The following TNS1 variants were observed in gnomAD, a reference collection of about 807,000 sequenced individuals.
TNS1 encodes tensin 1.
TNS1 carries 62 observed loss-of-function variants against 168.6 expected under a neutral mutation model. That is an observed-to-expected ratio of 0.37 (90% CI 0.30 to 0.45). TNS1 has a LOEUF of 0.45. TNS1 is among the 20% of genes least tolerant of loss of function. The pLI is 1.00. For synonymous variants in TNS1, 934 were observed against 933.2 expected (o/e 1.00, Z -0.02); for missense variants, 2,240 against 2,339.4 (o/e 0.96, Z 0.88).
At chr2:218,003,208 C>T (rs1262392403), upstream of TNS1, among the ~76,000 whole-genome samples, 1 of 149,780 alleles carries the variant, frequency 6.7e-6, no homozygotes, top group Non-Finnish European at 1.5e-5. Flanking sequence ...GTGCCCCCCA[C>T]CCCCGGACAC....
Position 217,818,007 on chromosome 2 carries a change from C to T in TNS1, c.4325G>A (p.Arg1442Gln), listed in dbSNP as rs201601812. 34 of 1,597,042 alleles carry T rather than the reference C, an allele frequency of 2.1e-5. No homozygotes were observed. Among genetic ancestry groups the T allele is most frequent in the Middle Eastern group, 1.7e-4 (1 of 6,028 alleles). Residue 1442 changes from arginine to glutamine, a missense_variant, in exon 24 of 33, where the codon CGG becomes CAG. Coordinates refer to ENST00000682258, the MANE Select transcript of TNS1 (RefSeq NM_001387777.1). The stretch of plus-strand genomic sequence containing the variant: ...CTGGTAGCCAGAGGCACTGCTCTGC[C>T]GGGACAGTGTGGGTCTCCGATCCTC... The part of the protein sequence containing the change: ...TPEDRRPTLS[R>Q]QSSASGYQAP...
chr2:217,862,678 A>G (rs1039055779), intron 18 of TNS1, among the ~76,000 whole-genome samples: 2 of 147,224 alleles, frequency 1.4e-5, no homozygotes, highest in African/African-American at 5.0e-5. Flanking sequence ...CGAAGGGAAG[A>G]GTTTCCCACT....
chr2:217,953,527 G>A (rs967018790), intron 3 of TNS1, among the ~76,000 whole-genome samples: 2 of 152,204 alleles, frequency 1.3e-5, no homozygotes, highest in Non-Finnish European at 2.9e-5. Context: ...GTACTTGGTG[G>A]TGGTTGTGAA....
intron 14 of TNS1, 92 bp downstream of exon 14, chr2:217,885,952 G>T: frequency 6.4e-7 from 1 of 1,564,154 alleles, no homozygotes; most frequent in Non-Finnish European, 8.8e-7. Flanking sequence ...CAGCCCTCTT[G>T]AGAATATTCT....
rs563822787 is a variant in TNS1 at position 217,813,513 on chromosome 2, C to T, written c.4861+172G>A. On this transcript the variant is annotated intron_variant, in intron 26 of 32. Transcript: ENST00000682258. This position sits in a 1 kb window ranked among gnomAD's most constrained non-coding sequence, Gnocchi z 4.0. ...AAACACATGGCAGGCACCCAATCGT[C>T]CTGCTTTCCCAATCTCTGACCTCAA... Among the ~76,000 whole-genome samples, 1 of 152,200 alleles carries T rather than the reference C, an allele frequency of 6.6e-6. No individual in the cohort carries two copies. Among genetic ancestry groups the T allele is most frequent in the Non-Finnish European group, 1.5e-5 (1 of 68,038 alleles).
intron 3 of TNS1, among the ~76,000 whole-genome samples, chr2:217,929,751 G>A (rs1956223553): frequency 6.8e-6 from 1 of 147,168 alleles, no homozygotes; most frequent in African/African-American, 2.5e-5. Context: ...CCATGTGTCT[G>A]TCTTCCTTCA....
chr2:217,929,650 C>A (rs1183527033), intron 3 of TNS1, among the ~76,000 whole-genome samples: 2 of 151,712 alleles, frequency 1.3e-5, no homozygotes, highest in Admixed American at 6.6e-5. Context: ...ACTGACAACA[C>A]CTGCCACCAC....
At chr2:217,829,248 G>T (rs1229340788) in intron 22 of TNS1, among the ~76,000 whole-genome samples, 1 of 151,988 alleles carries the variant, frequency 6.6e-6, no homozygotes, top group African/African-American at 2.4e-5. Flanking sequence ...TGCTGGGCGT[G>T]GTGGTGCATG....
Position 217,813,297 on chromosome 2 carries a change from G to C in TNS1, c.4872C>G (p.Thr1624=). The change falls in exon 27 of 33, where the codon ACC becomes ACG. Residue 1624 remains threonine, a synonymous_variant. Coordinates refer to ENST00000682258, the MANE Select transcript of TNS1 (RefSeq NM_001387777.1). The surrounding 1 kb of genome is among the most constrained non-coding windows in gnomAD (Gnocchi z 4.0). Reference sequence around the variant, plus strand: ...TCAGAAAATGCCTGACCAGCTCATGGGTCATGTCTCCTGGGACAAAGAGAA... The same window carrying C: ...TCAGAAAATGCCTGACCAGCTCATGCGTCATGTCTCCTGGGACAAAGAGAA... ...IMQQNKKGDM[T]HELVRHFLIE... The C allele has an allele frequency of 1.9e-6, 3 of 1,587,834 alleles. No individual in the cohort carries two copies. The highest frequency in any genetic ancestry group is 2.6e-6 in the Non-Finnish European group (3 of 1,165,186).
At chr2:217,921,231 C>A (rs747885670) in intron 3 of TNS1, among the ~76,000 whole-genome samples, 1 of 152,198 alleles carries the variant, frequency 6.6e-6, no homozygotes, top group Non-Finnish European at 1.5e-5. Flanking sequence ...CGATTCCCAA[C>A]CTGAACACCA....
intron 3 of TNS1, among the ~76,000 whole-genome samples, chr2:217,961,260 C>CACAG (rs1553620892): frequency 1.0e-4 from 14 of 140,028 alleles, no homozygotes; most frequent in East Asian, 2.1e-4. Flanking sequence ...CACACACACA[C>CACAG]AGAGAGAGAG....
intron 1 of TNS1, among the ~76,000 whole-genome samples, chr2:218,031,816 A>G (rs1471673854): frequency 6.6e-6 from 1 of 152,316 alleles, no homozygotes; most frequent in African/African-American, 2.4e-5. Flanking sequence ...CTGCAGGACC[A>G]GGCCCCAGGA....
At chr2:217,913,992 G>A (rs1443237927) in intron 4 of TNS1, among the ~76,000 whole-genome samples, 3 of 152,084 alleles carry the variant, frequency 2.0e-5, no homozygotes, top group African/African-American at 7.2e-5. Context: ...TAGATTGCCT[G>A]GCCCTCTTTC....
intron 23 of TNS1, among the ~76,000 whole-genome samples, chr2:217,820,211 G>A (rs1942607195): frequency 6.6e-6 from 1 of 152,198 alleles, no homozygotes; most frequent in Admixed American, 6.5e-5. Context: ...CTAGCTTCCT[G>A]GAAAGGGCCA....
chr2:217,930,987 G>C (rs949170026), intron 3 of TNS1, among the ~76,000 whole-genome samples: 1 of 152,088 alleles, frequency 6.6e-6, no homozygotes, highest in Non-Finnish European at 1.5e-5. Context: ...AGTGGAACTG[G>C]TGTGAAAGGA....
At chr2:217,892,469 G>A (rs1380034468) in intron 11 of TNS1, among the ~76,000 whole-genome samples, 1 of 152,216 alleles carries the variant, frequency 6.6e-6, no homozygotes, top group Non-Finnish European at 1.5e-5. Context: ...GAGTGGGATT[G>A]GAAAGGGAGT....
At position 217,864,974 on chromosome 2, in the gene TNS1, G is replaced by A. The variant is rs1297727275; in HGVS notation, c.1430-15887C>T. On this transcript the variant is annotated intron_variant, in intron 18 of 32. Coordinates refer to ENST00000682258, the MANE Select transcript of TNS1 (RefSeq NM_001387777.1). Reference sequence around the variant, plus strand: ...TGCAGAGAGGTGGGTGTGTGCAGAGGAGCCCATGTGGTTCCATGCATGAGA... The same window carrying A: ...TGCAGAGAGGTGGGTGTGTGCAGAGAAGCCCATGTGGTTCCATGCATGAGA... 2.0e-5 allele frequency among the ~76,000 whole-genome samples: 3 copies of A among 152,178 alleles called. No individual in the cohort carries two copies. In the East Asian group the frequency reaches 5.8e-4, roughly 29 times the overall value.
At chr2:218,030,605 C>A (rs1273081608) in intron 1 of TNS1, among the ~76,000 whole-genome samples, 1 of 152,258 alleles carries the variant, frequency 6.6e-6, no homozygotes, top group Non-Finnish European at 1.5e-5. Flanking sequence ...GGCTTACAGG[C>A]AGCCTCTGGG....
At chr2:217,966,268 CGTGTGTGTGTGTGT>C (rs3838555) in intron 3 of TNS1, among the ~76,000 whole-genome samples, 19 of 140,844 alleles carry the variant, frequency 1.3e-4, no homozygotes, top group South Asian at 2.4e-4. Context: ...GAGCAGGCTG[CGTGTGTGTGTGTGT>C]GTGTGTGTGT....
Sources: gnomAD v4.1 joint callset for allele counts (sites outside exome capture counted in the v4.1 genomes callset) on GRCh38, gnomAD v4.1.1 for gene constraint, Gnocchi (gnomAD v3.1) non-coding constraint, MANE v1.5 for transcripts, NCBI Gene and HGNC (gene_info 2026-07-23, HGNC 2026-07-21) for gene names.